The following SLC9C2 variants were observed in gnomAD, a reference collection of about 807,000 sequenced individuals.
SLC9C2 encodes the protein solute carrier family 9 member C2 (putative), also known as sodium/hydrogen exchanger 11.
Under a neutral mutation model 140.2 loss-of-function variants are expected in SLC9C2, and 75 were observed. The observed-to-expected ratio is 0.53, with a 90% CI of 0.44 to 0.65. The LOEUF (loss-of-function observed/expected upper bound fraction) is 0.65, where lower values mean the gene tolerates loss of function less well. Ranked by LOEUF, SLC9C2 falls within the 30% of genes least tolerant of loss-of-function variation. The pLI is 0.00. For synonymous variants in SLC9C2, 375 were observed against 420.9 expected (o/e 0.89, Z 1.34); for missense variants, 1,074 against 1,331.8 (o/e 0.81, Z 3.01).
Position 173,583,616 on chromosome 1 carries a change from GAAATGCCTGAA to G in SLC9C2, c.524-5_529del. 1 of 1,494,356 alleles carries G rather than the reference GAAATGCCTGAA, an allele frequency of 6.7e-7. No homozygotes were observed. Among genetic ancestry groups the G allele is most frequent in the Non-Finnish European group, 9.1e-7 (1 of 1,098,978 alleles). The allele number at this position is 1,494,356 out of a possible 1,614,324, so 92.6% of individuals were successfully genotyped here. ...TCTAATGAGATCAATGTATATTTTA[GAAATGCCTGAA>G]AAAGGAAATACAAAATGTAACTCAA... On this transcript the variant is annotated splice_acceptor_variant and splice_polypyrimidine_tract_variant and coding_sequence_variant and intron_variant, in exon 6 of 28. Coordinates refer to ENST00000367714, the MANE Select transcript of SLC9C2 (RefSeq NM_178527.4). LOFTEE classifies it high-confidence loss of function.
intron 13 of SLC9C2, among the ~76,000 whole-genome samples, chr1:173,540,552 A>C (rs1571508489): frequency 6.6e-6 from 1 of 152,182 alleles, no homozygotes; most frequent in Non-Finnish European, 1.5e-5. Flanking sequence ...AGCAGTGGGG[A>C]AACTGTAGCA....
At chr1:173,567,688 C>T (rs114704925) in intron 9 of SLC9C2, among the ~76,000 whole-genome samples, 2,133 of 152,134 alleles carry the variant, frequency 0.014, 26 homozygotes, top group Middle Eastern at 0.044. Flanking sequence ...GGACTTACTG[C>T]TACTATTTTG....
At chr1:173,599,205 G>A (rs995181379) in intron 3 of SLC9C2, among the ~76,000 whole-genome samples, 1 of 151,478 alleles carries the variant, frequency 6.6e-6, no homozygotes, top group Non-Finnish European at 1.5e-5. Flanking sequence ...TGCAAGCTCC[G>A]CTTCCCGGGT....
chr1:173,547,035 A>C (rs113848304), intron 13 of SLC9C2, among the ~76,000 whole-genome samples: 4 of 152,234 alleles, frequency 2.6e-5, no homozygotes, highest in Middle Eastern at 3.4e-3. Flanking sequence ...CTACTTTTGC[A>C]TATGTTAGGA....
chr1:173,598,045 A>C lies in SLC9C2; in HGVS notation c.229-13T>G. The C allele has an allele frequency of 6.4e-7, 1 of 1,569,980 alleles. No individual in the cohort carries two copies. The highest frequency in any genetic ancestry group is 8.6e-7 in the Non-Finnish European group (1 of 1,160,936). On this transcript the variant is annotated splice_polypyrimidine_tract_variant and intron_variant, in intron 3 of 27. Coordinates refer to ENST00000367714, the MANE Select transcript of SLC9C2 (RefSeq NM_178527.4). ...CAATTTGGTGCACCTAAAGTAACAA[A>C]GGCAAACAAGAAATTAGTTTGCTAC...
intron 5 of SLC9C2, among the ~76,000 whole-genome samples, chr1:173,585,774 C>G (rs1048016292): frequency 2.0e-5 from 3 of 152,048 alleles, no homozygotes; most frequent in Non-Finnish European, 4.4e-5. Flanking sequence ...CGAGATCAGC[C>G]TGGCCAACAT....
chr1:173,579,911 C>A (rs569069040), intron 7 of SLC9C2, among the ~76,000 whole-genome samples: 102 of 152,294 alleles, frequency 6.7e-4, no homozygotes, highest in African/African-American at 2.4e-3. Context: ...GCCCTCAATT[C>A]ATACACATCT....
In SLC9C2 at chr1:173,557,374, TTA is replaced by T; in HGVS notation, c.1179_1180del (p.Tyr393Ter). On this transcript the variant is annotated stop_gained and frameshift_variant, in exon 10 of 28. Coordinates refer to ENST00000367714, the MANE Select transcript of SLC9C2 (RefSeq NM_178527.4). LOFTEE classifies it high-confidence loss of function. ...TACTTCCACTTTTCGTTCAGCGAGA[TTA>T]TAAACATCAGGAGCCCAGAGTAAAT... 5.0e-6 allele frequency: 8 copies of T among 1,613,662 alleles called. No individual in the cohort carries two copies. Among genetic ancestry groups the T allele is most frequent in the Non-Finnish European group, 6.8e-6 (8 of 1,179,896 alleles).
chr1:173,544,742 C>A (rs538989419), intron 13 of SLC9C2, among the ~76,000 whole-genome samples: 1 of 152,206 alleles, frequency 6.6e-6, no homozygotes, highest in Non-Finnish European at 1.5e-5. Context: ...TAATTCTGAG[C>A]AAACTATCAC....
chr1:173,602,488 G>A (rs1666846533), intron 1 of SLC9C2, among the ~76,000 whole-genome samples: 1 of 152,132 alleles, frequency 6.6e-6, no homozygotes, highest in Non-Finnish European at 1.5e-5. Context: ...ATCATATGAT[G>A]CCTTTGAGTG....
chr1:173,592,943 AAATCT>A (rs1174858260), intron 4 of SLC9C2, among the ~76,000 whole-genome samples: 3 of 152,204 alleles, frequency 2.0e-5, no homozygotes, highest in African/African-American at 7.2e-5. Context: ...TTAAAGAAAA[AAATCT>A]TCAACCAAGA....
At chr1:173,599,250 C>A (rs190870441) in intron 3 of SLC9C2, among the ~76,000 whole-genome samples, 1 of 151,384 alleles carries the variant, frequency 6.6e-6, no homozygotes, top group African/African-American at 2.4e-5. Context: ...TATAAGCAGG[C>A]CTTTTATAAG....
intron 21 of SLC9C2, 129 bp downstream of exon 21, chr1:173,523,840 G>T: frequency 8.2e-7 from 1 of 1,226,470 alleles, no homozygotes. Context: ...GCTTTCCTGG[G>T]CCTCCATTTT....
intron 13 of SLC9C2, among the ~76,000 whole-genome samples, chr1:173,539,777 C>T (rs189211145): frequency 2.0e-5 from 3 of 152,216 alleles, no homozygotes; most frequent in African/African-American, 7.2e-5. Flanking sequence ...GGGTCATAAA[C>T]ACAGGAAGAA....
intron 5 of SLC9C2, among the ~76,000 whole-genome samples, chr1:173,584,562 A>ACTT (rs1665740680): frequency 6.6e-6 from 1 of 152,146 alleles, no homozygotes; most frequent in Non-Finnish European, 1.5e-5. Flanking sequence ...CTCTAAATAC[A>ACTT]ATGTGACTTT....
intron 9 of SLC9C2, among the ~76,000 whole-genome samples, chr1:173,566,784 T>A (rs1664501399): frequency 6.6e-6 from 1 of 150,642 alleles, no homozygotes; most frequent in Non-Finnish European, 1.5e-5. Flanking sequence ...TGCTTGGAGT[T>A]TTTTTTTTTT....
At chr1:173,565,802 A>G (rs754898331) in intron 9 of SLC9C2, among the ~76,000 whole-genome samples, 14 of 152,180 alleles carry the variant, frequency 9.2e-5, no homozygotes, top group Non-Finnish European at 1.8e-4. Context: ...TTTAGATAGT[A>G]TGGACATTTT....
intron 13 of SLC9C2, among the ~76,000 whole-genome samples, chr1:173,545,036 G>A (rs115858106): frequency 0.023 from 3,439 of 152,210 alleles, 144 homozygotes; most frequent in African/African-American, 0.079. Flanking sequence ...CCAGGGTGCT[G>A]CCAGTAAAAT....
intron 9 of SLC9C2, chr1:173,571,557 C>T (rs552968100): frequency 2.0e-5 from 3 of 152,204 alleles, no homozygotes; most frequent in African/African-American, 7.2e-5. Context: ...ATCCAACTTC[C>T]TCACCATGCT....
Sources: allele counts gnomAD v4.1 joint callset (sites outside exome capture counted in the v4.1 genomes callset), GRCh38; gene constraint gnomAD v4.1.1; transcripts MANE v1.5; gene names NCBI Gene and HGNC (gene_info 2026-07-23, HGNC 2026-07-21).